CUX2: variants seen among roughly 807,000 people sequenced by gnomAD.
CUX2 encodes the protein cut like homeobox 2.
A neutral mutation model predicts 144.8 loss-of-function variants in CUX2; 40 were observed. That is an observed-to-expected ratio of 0.28 (90% CI 0.21 to 0.36). The LOEUF (loss-of-function observed/expected upper bound fraction) is 0.36, where lower values mean the gene tolerates loss of function less well. Ranked by LOEUF, CUX2 falls within the 10% of genes least tolerant of loss-of-function variation. The pLI is 1.00. For synonymous variants in CUX2, 827 were observed against 875.6 expected (o/e 0.94, Z 0.98); for missense variants, 1,615 against 1,994.0 (o/e 0.81, Z 3.62).
chr12:111,146,730 C>CA (rs1876698152), intron 1 of CUX2, among the ~76,000 whole-genome samples: 1 of 152,184 alleles, frequency 6.6e-6, no homozygotes, highest in African/African-American at 2.4e-5. Context: ...GTCCCAGAGT[C>CA]AGACCCCGTA....
chr12:111,119,434 TCTTTAAAAAAAAAA>T (rs1202962800), intron 1 of CUX2, among the ~76,000 whole-genome samples: 48 of 152,008 alleles, frequency 3.2e-4, no homozygotes, highest in African/African-American at 1.1e-3. Flanking sequence ...CGAGACCCCA[TCTTTAAAAAAAAAA>T]TTTTTTTTCT....
chr12:111,274,153 C>G (rs913002707), intron 4 of CUX2, among the ~76,000 whole-genome samples: 1 of 152,160 alleles, frequency 6.6e-6, no homozygotes, highest in Admixed American at 6.5e-5. Context: ...TGGCCTTGAA[C>G]TGCTGACCTC....
intron 1 of CUX2, among the ~76,000 whole-genome samples, chr12:111,158,065 G>T (rs576873170): frequency 1.3e-5 from 2 of 152,136 alleles, no homozygotes; most frequent in Non-Finnish European, 1.5e-5. Flanking sequence ...CCACAGAGAC[G>T]CAATCAGGAA....
intron 1 of CUX2, among the ~76,000 whole-genome samples, chr12:111,056,439 G>T (rs1458424421): frequency 6.6e-6 from 1 of 152,230 alleles, no homozygotes; most frequent in Non-Finnish European, 1.5e-5. Flanking sequence ...GGCAATTGAT[G>T]CTGGCTGTTG....
rs117868982 is a variant in CUX2 at position 111,251,717 on chromosome 12, A to G, written c.223-12044A>G. 1.7e-3 allele frequency among the ~76,000 whole-genome samples: 264 copies of G among 152,300 alleles called. No homozygotes were observed. The Middle Eastern group carries it at 0.041, about 24-fold the overall frequency. ...ATTACAAATATTAGAATAAAATTGC[A>G]TGGTGTTCCTCTTCCTGCAGACCCT... On this transcript the variant is annotated intron_variant, in intron 3 of 21. Transcript: ENST00000261726.
rs1244460486 is a variant in CUX2, at chr12:111,034,767, T to G, written c.63+527T>G. On this transcript the variant is annotated intron_variant, in intron 1 of 21. Coordinates refer to ENST00000261726, the MANE Select transcript of CUX2 (RefSeq NM_015267.4). The surrounding 1 kb of genome is among the most constrained non-coding windows in gnomAD (Gnocchi z 4.2). ...GGAGAGAGGAGGAGGGAGCCGGGGT[T>G]GGCGAGGAGGCGGCTCCGCGCCCCG... Among the ~76,000 whole-genome samples, 1 of 149,796 alleles carries G rather than the reference T, an allele frequency of 6.7e-6. No individual in the cohort carries two copies.
chr12:111,151,268 G>A (rs993516152), intron 1 of CUX2, among the ~76,000 whole-genome samples: 5 of 152,122 alleles, frequency 3.3e-5, no homozygotes, highest in African/African-American at 4.8e-5. Flanking sequence ...AAATTCATTC[G>A]TTACCATGCG....
At chr12:111,203,544 CAAA>C (rs771280007) in intron 1 of CUX2, among the ~76,000 whole-genome samples, 5 of 84,704 alleles carry the variant, frequency 5.9e-5, no homozygotes, top group African/African-American at 4.5e-5. Flanking sequence ...GACTCTCTCT[CAAA>C]AAAAAAAAAA....
intron 2 of CUX2, 69 bp from the exon 3 acceptor site, chr12:111,217,821 C>A: frequency 6.5e-7 from 1 of 1,532,888 alleles, no homozygotes; most frequent in Non-Finnish European, 9.0e-7. Flanking sequence ...CAGCAGCGAG[C>A]TACAAGCAGG....
At chr12:111,343,927 C>G (rs1191060457) in intron 21 of CUX2, among the ~76,000 whole-genome samples, 2 of 152,070 alleles carry the variant, frequency 1.3e-5, no homozygotes, top group Non-Finnish European at 2.9e-5. Context: ...CAGGCAGGGG[C>G]TTGTAATTCC....
At chr12:111,094,534 G>A (rs916008991) in intron 1 of CUX2, among the ~76,000 whole-genome samples, 1 of 152,130 alleles carries the variant, frequency 6.6e-6, no homozygotes, top group Admixed American at 6.5e-5. Flanking sequence ...GGTCTTGCTC[G>A]GTTGCCCAGG....
rs1403250614 is a variant in CUX2, at chr12:111,171,014, G to A, written c.64-43186G>A. On this transcript the variant is annotated intron_variant, in intron 1 of 21. Transcript: ENST00000261726. The surrounding 1 kb of genome is among the most constrained non-coding windows in gnomAD (Gnocchi z 5.0). The stretch of plus-strand genomic sequence containing the variant: ...TGGGAGGGGAGTGGGGAAGCGCCAG[G>A]TAGGGTCCAGCAAGGTGTTCTGGTT... 2.0e-5 allele frequency among the ~76,000 whole-genome samples: 3 copies of A among 152,166 alleles called. No homozygotes were observed. The highest frequency in any genetic ancestry group is 7.2e-5 in the African/African-American group (3 of 41,430).
intron 1 of CUX2, among the ~76,000 whole-genome samples, chr12:111,071,594 G>A (rs1871254963): frequency 6.6e-6 from 1 of 152,142 alleles, no homozygotes; most frequent in Non-Finnish European, 1.5e-5. Flanking sequence ...CCCTTTCCAG[G>A]AGCAGAAGTT....
intron 3 of CUX2, among the ~76,000 whole-genome samples, chr12:111,233,378 T>A (rs772670474): frequency 1.3e-5 from 2 of 152,188 alleles, no homozygotes; most frequent in Non-Finnish European, 2.9e-5. Context: ...TTCTTATTTA[T>A]TTCATTCCTG....
At chr12:111,229,092 G>A (rs113835523) in intron 3 of CUX2, among the ~76,000 whole-genome samples, 4 of 152,294 alleles carry the variant, frequency 2.6e-5, no homozygotes, top group South Asian at 2.1e-4. Context: ...CAGAGGCTGC[G>A]ATTACCATGA....
At chr12:111,229,371 C>T (rs945767397) in intron 3 of CUX2, among the ~76,000 whole-genome samples, 1 of 152,152 alleles carries the variant, frequency 6.6e-6, no homozygotes, top group African/African-American at 2.4e-5. Flanking sequence ...GTGGGCCCTG[C>T]AGGAGGCCTT....
chr12:111,282,688 T>C (rs1885176505), intron 4 of CUX2, among the ~76,000 whole-genome samples: 2 of 150,372 alleles, frequency 1.3e-5, no homozygotes, highest in South Asian at 4.2e-4. Flanking sequence ...GAAATTTACT[T>C]CCCCACGGTG....
intron 21 of CUX2, 25 bp from the exon 22 acceptor site, chr12:111,347,499 A>C: frequency 6.4e-7 from 1 of 1,561,936 alleles, no homozygotes; most frequent in Non-Finnish European, 8.6e-7. Flanking sequence ...GTCCAGCCCC[A>C]GGCTCACCGC....
In CUX2 at chr12:111,287,537, T is replaced by G. The variant is rs916548681; in HGVS notation, c.302-3881T>G. Among the ~76,000 whole-genome samples, 2 of 152,264 alleles carry G rather than the reference T, an allele frequency of 1.3e-5. No homozygotes were observed. Among genetic ancestry groups the G allele is most frequent in the African/African-American group, 4.8e-5 (2 of 41,474 alleles). On this transcript the variant is annotated intron_variant, in intron 4 of 21. Coordinates refer to ENST00000261726, the MANE Select transcript of CUX2 (RefSeq NM_015267.4). The surrounding 1 kb of genome is among the most constrained non-coding windows in gnomAD (Gnocchi z 4.2). Reference sequence around the variant, plus strand: ...GGCAGTGCAGATGGACTCATTAGCATGCACACAACAAATAATTATAGATGA... The same window carrying G: ...GGCAGTGCAGATGGACTCATTAGCAGGCACACAACAAATAATTATAGATGA...
Sources: gnomAD v4.1 joint callset for allele counts (sites outside exome capture counted in the v4.1 genomes callset) on GRCh38, gnomAD v4.1.1 for gene constraint, Gnocchi (gnomAD v3.1) non-coding constraint, MANE v1.5 for transcripts, NCBI Gene and HGNC (gene_info 2026-07-23, HGNC 2026-07-21) for gene names.